SCMH1: variants seen among roughly 807,000 people sequenced by gnomAD.
SCMH1 encodes the protein Scm polycomb group protein homolog 1, also known as polycomb protein SCMH1.
Under a neutral mutation model 70.8 loss-of-function variants are expected in SCMH1, and 37 were observed. The observed-to-expected ratio is 0.52, with a 90% CI of 0.40 to 0.69. The LOEUF (loss-of-function observed/expected upper bound fraction) is 0.69. Among genes scored for constraint, SCMH1 ranks in the 30% least tolerant of loss-of-function variants. The pLI is 0.00. For missense variants in SCMH1, 607 were observed against 827.3 expected (o/e 0.73, Z 3.27); for synonymous variants, 292 against 307.4 (o/e 0.95, Z 0.52).
chr1:41,102,815 A>G (rs1385836428), intron 8 of SCMH1, among the ~76,000 whole-genome samples: 1 of 152,178 alleles, frequency 6.6e-6, no homozygotes, highest in Non-Finnish European at 1.5e-5. Flanking sequence ...GGCCACTCAG[A>G]AAGGTGGCAT....
chr1:41,115,547 T>C (rs1670253313), intron 7 of SCMH1, among the ~76,000 whole-genome samples: 1 of 152,148 alleles, frequency 6.6e-6, no homozygotes. Context: ...AAGCGATTCT[T>C]CCACCTCGGT....
rs758754119 is a variant in SCMH1 at position 41,048,901 on chromosome 1, C to G, written c.1106-11G>C. 1 of 1,599,260 alleles carries G rather than the reference C, an allele frequency of 6.3e-7. No homozygotes were observed. The highest frequency in any genetic ancestry group is 1.1e-5 in the South Asian group (1 of 89,272). On this transcript the variant is annotated splice_polypyrimidine_tract_variant and intron_variant, in intron 10 of 14. Transcript: ENST00000337495. ...TCAAGTAGATACAAACTATGGGAGA[C>G]AAAGAATCAAAGAAGCTTCAAGAGT...
At chr1:41,128,570 T>C (rs1171086187) in intron 6 of SCMH1, among the ~76,000 whole-genome samples, 1 of 152,182 alleles carries the variant, frequency 6.6e-6, no homozygotes, top group Non-Finnish European at 1.5e-5. Flanking sequence ...TTTCTCTGGC[T>C]GCTCTTAAGA....
intron 1 of SCMH1, among the ~76,000 whole-genome samples, chr1:41,241,390 T>C (rs867524117): frequency 3.3e-5 from 5 of 152,290 alleles, no homozygotes; most frequent in Middle Eastern, 6.8e-3. Flanking sequence ...CCGCTCTCCC[T>C]GCCCGTTTCC....
intron 4 of SCMH1, among the ~76,000 whole-genome samples, chr1:41,155,898 C>T (rs938872913): frequency 8.9e-5 from 13 of 145,566 alleles, no homozygotes; most frequent in Non-Finnish European, 1.8e-4. Context: ...GGCAGGAGAA[C>T]TGCTTGAACC....
chr1:41,208,246 A>G (rs1573070255), intron 1 of SCMH1, among the ~76,000 whole-genome samples: 1 of 108,134 alleles, frequency 9.2e-6, no homozygotes. Context: ...TGGACACAGG[A>G]AGGGGAATAT....
chr1:41,124,875 C>T (rs1486944418), intron 6 of SCMH1, among the ~76,000 whole-genome samples: 1 of 152,028 alleles, frequency 6.6e-6, no homozygotes, highest in South Asian at 2.1e-4. Flanking sequence ...GCTCTGATTA[C>T]AGGCATAAAC....
At chr1:41,148,395 T>C (rs1644776199) in intron 5 of SCMH1, among the ~76,000 whole-genome samples, 1 of 152,206 alleles carries the variant, frequency 6.6e-6, no homozygotes, top group Non-Finnish European at 1.5e-5. Flanking sequence ...TTCTTTCTGC[T>C]TGATGAACCT....
intron 1 of SCMH1, among the ~76,000 whole-genome samples, chr1:41,202,324 G>A (rs111924044): frequency 2.8e-4 from 42 of 151,584 alleles, no homozygotes; most frequent in East Asian, 7.7e-4. Context: ...ATGAGCCAAC[G>A]TGCCCAGCCT....
rs561608771 is a variant in SCMH1, at chr1:41,082,982, G to A, written c.746-7531C>T. 3.3e-5 allele frequency among the ~76,000 whole-genome samples: 5 copies of A among 152,172 alleles called. No homozygotes were observed. The South Asian group carries it at 1.0e-3, about 32-fold the overall frequency. On this transcript the variant is annotated intron_variant, in intron 8 of 14. Transcript: ENST00000337495. Reference sequence around the variant, plus strand: ...TATTGATGGGACATATCTCAAAATAGTAAGAGCTATCTATGACAAACCCAC... The same window carrying A: ...TATTGATGGGACATATCTCAAAATAATAAGAGCTATCTATGACAAACCCAC...
intron 10 of SCMH1, among the ~76,000 whole-genome samples, chr1:41,050,771 G>A (rs1373512165): frequency 6.6e-6 from 1 of 152,208 alleles, no homozygotes; most frequent in Non-Finnish European, 1.5e-5. Flanking sequence ...TAAAGCTGGA[G>A]TGGGGAGTGA....
At chr1:41,094,305 G>A (rs1176863309) in intron 8 of SCMH1, among the ~76,000 whole-genome samples, 2 of 152,242 alleles carry the variant, frequency 1.3e-5, no homozygotes, top group African/African-American at 4.8e-5. Context: ...ACTATAGTTG[G>A]TGCCTTGATT....
rs144742783 is a variant in SCMH1, at chr1:41,063,340, G to A, written c.1105+7255C>T. On this transcript the variant is annotated intron_variant, in intron 10 of 14. Transcript: ENST00000337495. ...TATAAAAAATTAGCTGGGCGTGGTG[G>A]TGCATGTCTGTAGTCCCAGCTACTT... 2.6e-4 allele frequency among the ~76,000 whole-genome samples: 40 copies of A among 152,138 alleles called. No homozygotes were observed. The South Asian group carries it at 3.1e-3, about 12-fold the overall frequency.
rs758270234 is a variant in SCMH1 at position 41,152,609 on chromosome 1, C to T, written c.107-925G>A. ...CCCCCTAATACCCACCTAGAGGTGA[C>T]CCCATGATGGAGCAGGGAAGGTCCC... On this transcript the variant is annotated intron_variant, in intron 4 of 14. Transcript: ENST00000337495. The T allele has an allele frequency of 1.9e-6, 3 of 1,614,140 alleles. No homozygotes were observed. The South Asian group carries it at 3.3e-5, about 18-fold the overall frequency.
chr1:41,197,633 C>T (rs1653340994), intron 1 of SCMH1, among the ~76,000 whole-genome samples: 1 of 152,018 alleles, frequency 6.6e-6, no homozygotes, highest in Non-Finnish European at 1.5e-5. Flanking sequence ...GCTACACACA[C>T]TATAAATGTA....
intron 6 of SCMH1, among the ~76,000 whole-genome samples, chr1:41,121,385 A>G (rs866525543): frequency 6.6e-6 from 1 of 152,216 alleles, no homozygotes; most frequent in African/African-American, 2.4e-5. Flanking sequence ...ATATCGTCAA[A>G]TATTTTATCA....
chr1:41,221,893 C>CAAAAA (rs34257855), intron 1 of SCMH1, among the ~76,000 whole-genome samples: 7 of 45,056 alleles, frequency 1.6e-4, no homozygotes, highest in Admixed American at 4.4e-4. Flanking sequence ...GACTCCGTCT[C>CAAAAA]AAAAAAAAAA....
rs550723271 is a variant in SCMH1 at position 41,209,529 on chromosome 1, G to A, written c.-117-23279C>T. 2.0e-5 allele frequency among the ~76,000 whole-genome samples: 3 copies of A among 152,184 alleles called. No individual in the cohort carries two copies. In the South Asian group the frequency reaches 6.2e-4, roughly 32 times the overall value. ...AAAGCTTATCCACCACAATCAAGTC[G>A]GCTTCATCCCTGGGATGCAAGGCTG... is the stretch of plus-strand genomic sequence containing the variant. On this transcript the variant is annotated intron_variant, in intron 1 of 14. Transcript: ENST00000337495.
chr1:41,067,641 G>T (rs957527870), intron 10 of SCMH1, among the ~76,000 whole-genome samples: 2 of 152,128 alleles, frequency 1.3e-5, no homozygotes, highest in South Asian at 4.1e-4. Context: ...GGTTGCCAGG[G>T]ATTAGTGGGG....
Sources: gnomAD v4.1 joint callset for allele counts (sites outside exome capture counted in the v4.1 genomes callset) on GRCh38, gnomAD v4.1.1 for gene constraint, MANE v1.5 for transcripts, NCBI Gene and HGNC (gene_info 2026-07-23, HGNC 2026-07-21) for gene names.